MYO10: variants seen among roughly 807,000 people sequenced by gnomAD.
The protein encoded by MYO10 is myosin X, also known as unconventional myosin-X.
A neutral mutation model predicts 257.3 loss-of-function variants in MYO10; 133 were observed. That is an observed-to-expected ratio of 0.52 (90% CI 0.45 to 0.60). The LOEUF is 0.60. Ranked by LOEUF, MYO10 falls within the 20% of genes least tolerant of loss-of-function variation. The pLI, the probability that MYO10 is intolerant of heterozygous loss-of-function variation, is 0.00. For missense variants in MYO10, 2,399 were observed against 2,635.7 expected, an observed-to-expected ratio of 0.91 and a Z score of 1.97; for synonymous variants, 1,104 against 1,028.6, an observed-to-expected ratio of 1.07 and a Z score of -1.40.
At chr5:16,841,767 G>T (rs186804483) in intron 2 of MYO10, among the ~76,000 whole-genome samples, 192 of 152,236 alleles carry the variant, frequency 1.3e-3, no homozygotes, top group Non-Finnish European at 2.0e-3. Context: ...CTCGCAAACT[G>T]TTTTTCATTA....
At chr5:16,888,714 C>A (rs1744961216) in intron 1 of MYO10, among the ~76,000 whole-genome samples, 1 of 151,692 alleles carries the variant, frequency 6.6e-6, no homozygotes, top group Admixed American at 6.6e-5. Flanking sequence ...TGCACTCCAG[C>A]CTGAACAAGA....
chr5:16,935,535 AGC>A (rs1232084901), intron 1 of MYO10, among the ~76,000 whole-genome samples: 1 of 151,956 alleles, frequency 6.6e-6, no homozygotes, highest in African/African-American at 2.4e-5. Flanking sequence ...CCCGAGAGCC[AGC>A]CACCCACGCA....
chr5:16,855,032 C>CAA (rs561731686), intron 2 of MYO10, among the ~76,000 whole-genome samples: 1,763 of 142,048 alleles, frequency 0.012, 31 homozygotes, highest in Middle Eastern at 0.03. Flanking sequence ...GACTCCATCT[C>CAA]AAAAAAAAAA....
intron 2 of MYO10, among the ~76,000 whole-genome samples, chr5:16,845,906 G>A (rs772085309): frequency 6.6e-6 from 1 of 151,798 alleles, no homozygotes; most frequent in Non-Finnish European, 1.5e-5. Context: ...AGAGGTTGCA[G>A]TGAGCCGAGA....
At chr5:16,692,789 G>A (rs974490786) in intron 27 of MYO10, among the ~76,000 whole-genome samples, 1 of 151,576 alleles carries the variant, frequency 6.6e-6, no homozygotes, top group East Asian at 1.9e-4. Context: ...TATAGGAGGT[G>A]ACAGAAATGG....
At chr5:16,763,896 G>C (rs1579963663) in intron 12 of MYO10, 141 bp from the exon 13 acceptor site, 5 of 674,044 alleles carry the variant, frequency 7.4e-6, no homozygotes, top group East Asian at 5.5e-5. Context: ...TGTTATCCCA[G>C]CACTTTGGGA....
intron 2 of MYO10, among the ~76,000 whole-genome samples, chr5:16,852,639 A>G (rs1743842715): frequency 6.6e-6 from 1 of 151,646 alleles, no homozygotes; most frequent in Non-Finnish European, 1.5e-5. Flanking sequence ...AGCAGAAGAT[A>G]GCCCGCAAAA....
intron 2 of MYO10, among the ~76,000 whole-genome samples, chr5:16,840,189 G>T (rs1053211948): frequency 6.6e-6 from 1 of 152,136 alleles, no homozygotes; most frequent in Non-Finnish European, 1.5e-5. Flanking sequence ...TAGGTGGGTG[G>T]ATCACTTGAG....
chr5:16,899,373 G>A (rs1745310460), intron 1 of MYO10, among the ~76,000 whole-genome samples: 1 of 151,906 alleles, frequency 6.6e-6, no homozygotes, highest in African/African-American at 2.4e-5. Flanking sequence ...GATGACTCAC[G>A]CCTGTAATCC....
At chr5:16,795,960 T>A (rs253371) in intron 3 of MYO10, among the ~76,000 whole-genome samples, 1 of 151,460 alleles carries the variant, frequency 6.6e-6, no homozygotes, top group Non-Finnish European at 1.5e-5. Context: ...GGGGCCGAGG[T>A]GCGAGGATCT....
chr5:16,703,049 G>T lies in MYO10; in HGVS notation c.2386C>A (p.Gln796Lys). 6.4e-7 allele frequency: 1 copy of T among 1,556,432 alleles called. No individual in the cohort carries two copies. Residue 796 changes from glutamine to lysine, a missense_variant, in exon 23 of 41, where the codon CAG becomes AAG. By Grantham distance (53) the Gln-to-Lys change is moderately conservative (BLOSUM62 1). Transcript: ENST00000513610. ...LHLKKAAIVF[Q>K]KQLRGQIARR... ...GCAATCTGACCTCTGAGTTGCTTCT[G>T]GAAAACTATGGCTGCCTTTTTCAGG...
chr5:16,742,238 C>T (rs1740042902), intron 19 of MYO10: 1 of 985,318 alleles, frequency 1.0e-6, no homozygotes, highest in Non-Finnish European at 1.2e-6. Context: ...TGGTGCTGAG[C>T]TTCACTCGCT....
intron 2 of MYO10, among the ~76,000 whole-genome samples, chr5:16,863,965 G>A (rs1744174371): frequency 6.6e-6 from 1 of 152,166 alleles, no homozygotes; most frequent in African/African-American, 2.4e-5. Context: ...AGGCTTGGTG[G>A]CACACACCTG....
chr5:16,703,344 TAATAAC>T (rs1047843031), intron 22 of MYO10, among the ~76,000 whole-genome samples, 186 bp from the exon 23 acceptor site: 1 of 151,978 alleles, frequency 6.6e-6, no homozygotes, highest in Admixed American at 6.6e-5. Context: ...AACAAAGAAA[TAATAAC>T]AAACAAAACT....
At chr5:16,920,291 A>T (rs75421457) in intron 1 of MYO10, among the ~76,000 whole-genome samples, 10,528 of 152,186 alleles carry the variant, frequency 0.069, 422 homozygotes, top group African/African-American at 0.11. Context: ...CAAATAAGAT[A>T]AACAAAATAA....
chr5:16,930,934 C>T (rs1022783968), intron 1 of MYO10, among the ~76,000 whole-genome samples: 1 of 152,138 alleles, frequency 6.6e-6, no homozygotes, highest in Non-Finnish European at 1.5e-5. Context: ...GAAAATGTTA[C>T]GTAGCAGTTA....
intron 3 of MYO10, among the ~76,000 whole-genome samples, chr5:16,798,274 C>T (rs1742024744): frequency 6.6e-6 from 1 of 152,072 alleles, no homozygotes; most frequent in Non-Finnish European, 1.5e-5. Context: ...GGTTGTACAG[C>T]ATTGTGAATG....
intron 2 of MYO10, among the ~76,000 whole-genome samples, chr5:16,866,185 GA>G (rs1211305537): frequency 6.6e-6 from 1 of 152,100 alleles, no homozygotes; most frequent in Non-Finnish European, 1.5e-5. Flanking sequence ...ACACCCAGCA[GA>G]AAAAGTGAAA....
intron 2 of MYO10, among the ~76,000 whole-genome samples, chr5:16,858,863 C>T (rs1744036024): frequency 6.6e-6 from 1 of 152,062 alleles, no homozygotes; most frequent in Admixed American, 6.5e-5. Flanking sequence ...GAGGCTGAGA[C>T]AGAAGAATCA....
Sources: gnomAD v4.1 joint callset for allele counts (sites outside exome capture counted in the v4.1 genomes callset) on GRCh38, gnomAD v4.1.1 for gene constraint, MANE v1.5 for transcripts, NCBI Gene and HGNC (gene_info 2026-07-23, HGNC 2026-07-21) for gene names.